SIPA1L3: variants seen among roughly 807,000 people sequenced by gnomAD.
The protein encoded by SIPA1L3 is signal induced proliferation associated 1 like 3, also known as signal-induced proliferation-associated 1-like protein 3.
Under a neutral mutation model 150.1 loss-of-function variants are expected in SIPA1L3, and 59 were observed. That is an observed-to-expected ratio of 0.39 (90% confidence interval 0.32 to 0.49). The LOEUF (loss-of-function observed/expected upper bound fraction) is 0.49. Ranked by LOEUF, SIPA1L3 falls within the 20% of genes least tolerant of loss-of-function variation. The probability of loss-of-function intolerance (pLI) is 0.86; values close to 1 mark genes in which losing one functional copy is unlikely to be tolerated. For synonymous variants in SIPA1L3, 1,070 were observed against 1,077.6 expected, an observed-to-expected ratio of 0.99 and a Z score of 0.14; for missense variants, 2,211 against 2,489.5, an observed-to-expected ratio of 0.89 and a Z score of 2.38.
intron 2 of SIPA1L3, among the ~76,000 whole-genome samples, chr19:38,051,219 A>G (rs377376949): frequency 2.0e-5 from 3 of 152,204 alleles, no homozygotes; most frequent in South Asian, 4.1e-4. Context: ...CTTCACAGCT[A>G]GCATTTGTCT....
intron 1 of SIPA1L3, among the ~76,000 whole-genome samples, chr19:37,969,327 G>A (rs373236824): frequency 1.2e-4 from 19 of 152,284 alleles, no homozygotes; most frequent in East Asian, 3.9e-4. Context: ...CAAGGCGGGC[G>A]GATCACCTGA....
rs529827386 is a variant in SIPA1L3, at chr19:37,965,818, A to G, written c.-379+58460A>G. 9.3e-5 allele frequency among the ~76,000 whole-genome samples: 14 copies of G among 150,386 alleles called. No individual in the cohort carries two copies. The South Asian group carries it at 1.3e-3, about 14-fold the overall frequency. On this transcript the variant is annotated intron_variant, in intron 1 of 21. Transcript: ENST00000222345. ...TTGGGTGACATTAAATTCCACGTCA[A>G]CCCTCCTGAAACACGCCCCTGTCTC...
intron 1 of SIPA1L3, among the ~76,000 whole-genome samples, chr19:37,995,601 C>G (rs577705688): frequency 6.6e-6 from 1 of 152,072 alleles, no homozygotes; most frequent in African/African-American, 2.4e-5. Context: ...GGCTGGCCTT[C>G]GAAAGGTTAG....
chr19:38,094,867 G>T (rs1970342907), intron 4 of SIPA1L3, among the ~76,000 whole-genome samples: 1 of 152,058 alleles, frequency 6.6e-6, no homozygotes, highest in Admixed American at 6.6e-5. Flanking sequence ...AGGGGTTCGA[G>T]ACCAGCCTGG....
intron 1 of SIPA1L3, among the ~76,000 whole-genome samples, chr19:38,006,406 G>A (rs1165451494): frequency 6.6e-6 from 1 of 152,094 alleles, no homozygotes; most frequent in African/African-American, 2.4e-5. Context: ...AGGGAGTGGG[G>A]CACGTTAAGA....
At chr19:38,092,663 G>A (rs1026096989) in intron 4 of SIPA1L3, among the ~76,000 whole-genome samples, 4 of 152,090 alleles carry the variant, frequency 2.6e-5, no homozygotes, top group East Asian at 1.9e-4. Context: ...GCGTTCCCCC[G>A]TCCCAGCTCT....
At chr19:37,976,274 C>T (rs1286031608) in intron 1 of SIPA1L3, among the ~76,000 whole-genome samples, 2 of 152,034 alleles carry the variant, frequency 1.3e-5, no homozygotes, top group African/African-American at 4.8e-5. Context: ...TCTTGTTGTA[C>T]GTCTCTTATT....
chr19:38,161,126 G>A (rs948396839), intron 13 of SIPA1L3, among the ~76,000 whole-genome samples: 4 of 151,736 alleles, frequency 2.6e-5, no homozygotes, highest in Non-Finnish European at 4.4e-5. Flanking sequence ...GGTGGATCAC[G>A]AGGTCAGGAG....
chr19:38,023,718 A>G (rs1485966540), intron 1 of SIPA1L3, among the ~76,000 whole-genome samples: 1 of 152,240 alleles, frequency 6.6e-6, no homozygotes, highest in Non-Finnish European at 1.5e-5. Flanking sequence ...TGGTTCTTCC[A>G]GACCAGCCAC....
At chr19:38,023,737 C>T (rs1011269978) in intron 1 of SIPA1L3, among the ~76,000 whole-genome samples, 1 of 152,202 alleles carries the variant, frequency 6.6e-6, no homozygotes, top group Non-Finnish European at 1.5e-5. Flanking sequence ...ACTTACACAG[C>T]GGCACAGAAG....
At chr19:38,128,622 C>A (rs559402388) in intron 9 of SIPA1L3, among the ~76,000 whole-genome samples, 1 of 144,560 alleles carries the variant, frequency 6.9e-6, no homozygotes, top group African/African-American at 2.9e-5. Context: ...CTTGGCCGGG[C>A]GCAGTGGCTC....
At chr19:38,115,094 A>G (rs1970854059) in intron 8 of SIPA1L3, among the ~76,000 whole-genome samples, 3 of 152,234 alleles carry the variant, frequency 2.0e-5, no homozygotes, top group African/African-American at 7.2e-5. Context: ...TGCTGCATCC[A>G]GGGACTAGCC....
chr19:38,096,384 G>A, intron 4 of SIPA1L3, among the ~76,000 whole-genome samples: 1 of 152,046 alleles, frequency 6.6e-6, no homozygotes, highest in Admixed American at 6.6e-5. Flanking sequence ...TGAGTAACTG[G>A]GATTAGAGGC....
intron 1 of SIPA1L3, among the ~76,000 whole-genome samples, chr19:38,001,539 C>A (rs1353040502): frequency 6.6e-6 from 1 of 152,114 alleles, no homozygotes; most frequent in Non-Finnish European, 1.5e-5. Flanking sequence ...GATCCTCTTG[C>A]CTCAGCCTCC....
In SIPA1L3 at chr19:37,986,371, T is replaced by A. The variant is rs1175886455; in HGVS notation, c.-378-42718T>A. Among the ~76,000 whole-genome samples, 3 of 152,332 alleles carry A rather than the reference T, an allele frequency of 2.0e-5. No homozygotes were observed. In the South Asian group the frequency reaches 6.2e-4, roughly 32 times the overall value. On this transcript the variant is annotated intron_variant, in intron 1 of 21. Coordinates refer to ENST00000222345, the MANE Select transcript of SIPA1L3 (RefSeq NM_015073.3). The stretch of plus-strand genomic sequence containing the variant: ...ACTCGAGGTGAGATGGCTTTCTCTT[T>A]CCTCTAGTTTCTTGTCAACAGTTAA...
chr19:38,205,082 T>C (rs1973177956), intron 21 of SIPA1L3, among the ~76,000 whole-genome samples: 1 of 152,220 alleles, frequency 6.6e-6, no homozygotes, highest in African/African-American at 2.4e-5. Flanking sequence ...ACCATACTTA[T>C]TTATTTATTG....
At chr19:37,975,021 CA>C (rs1004583713) in intron 1 of SIPA1L3, among the ~76,000 whole-genome samples, 7 of 151,336 alleles carry the variant, frequency 4.6e-5, no homozygotes, top group African/African-American at 1.7e-4. Context: ...ACAAAAAATG[CA>C]AAAAAAAGTA....
Position 38,082,324 on chromosome 19 carries a change from CGG to C in SIPA1L3, c.760_761del (p.Gly254ArgfsTer164). Reference sequence around the variant, plus strand: ...ATCCTGGCCCACACCTCATGGGGGGCGGCGGCGGAGCCAAGGGGGACTCCCAC... The same window carrying C: ...ATCCTGGCCCACACCTCATGGGGGGCCGGCGGAGCCAAGGGGGACTCCCAC... ...ADPGPHLMGGGGGAKGDSHNG... is the reference protein window; with the variant it reads ...ADPGPHLMGGXGGAKGDSHNG... On this transcript the variant is annotated frameshift_variant, in exon 3 of 22. Coordinates refer to ENST00000222345, the MANE Select transcript of SIPA1L3 (RefSeq NM_015073.3). LOFTEE classifies it high-confidence loss of function. 6.3e-7 allele frequency: 1 copy of C among 1,598,136 alleles called. No individual in the cohort carries two copies. Among genetic ancestry groups the C allele is most frequent in the Non-Finnish European group, 8.5e-7 (1 of 1,178,654 alleles).
Position 38,082,499 on chromosome 19 carries a change from G to T in SIPA1L3, c.934G>T (p.Gly312Trp), listed in dbSNP as rs62121430. ...FRKLRSSKPEGEAGRSPGEAD... is the reference protein window; with the variant it reads ...FRKLRSSKPEWEAGRSPGEAD... Reference sequence around the variant, plus strand: ...GAAGCTAAGGAGCAGCAAACCCGAGGGGGAGGCTGGGCGTTCCCCGGGGGA... The same window carrying T: ...GAAGCTAAGGAGCAGCAAACCCGAGTGGGAGGCTGGGCGTTCCCCGGGGGA... Residue 312 changes from glycine (G) to tryptophan (W), a missense_variant, in exon 3 of 22, where the codon GGG becomes TGG. Transcript: ENST00000222345. 0.041 allele frequency: 64,836 copies of T among 1,595,540 alleles called. 1,473 individuals carry two copies. The highest frequency in any genetic ancestry group is 0.079 in the Middle Eastern group (477 of 6,014).
Sources: allele counts gnomAD v4.1 joint callset (sites outside exome capture counted in the v4.1 genomes callset), GRCh38; gene constraint gnomAD v4.1.1; transcripts MANE v1.5; gene names NCBI Gene and HGNC (gene_info 2026-07-23, HGNC 2026-07-21).